Variants in DSCAM observed in about 807,000 individuals in gnomAD.
DSCAM encodes cell adhesion molecule DSCAM.
DSCAM carries 47 observed loss-of-function variants against 217.7 expected under a neutral mutation model. That is an observed-to-expected ratio of 0.22 (90% CI 0.17 to 0.28). The LOEUF is 0.28. Among genes scored for constraint, DSCAM ranks in the 10% least tolerant of loss-of-function variants. DSCAM has a pLI of 1.00. For synonymous variants in DSCAM, 1,056 were observed against 1,015.3 expected (o/e 1.04, Z -0.76); for missense variants, 2,080 against 2,618.3 (o/e 0.79, Z 4.49).
chr21:40,092,379 T>C (rs2089622866), intron 21 of DSCAM, among the ~76,000 whole-genome samples: 1 of 152,220 alleles, frequency 6.6e-6, no homozygotes, highest in Admixed American at 6.5e-5. Flanking sequence ...AACATTTATT[T>C]CAGCAGTCAG....
chr21:40,053,753 C>T lies in DSCAM; in HGVS notation c.5036-1646G>A, dbSNP rs181630337. On this transcript the variant is annotated intron_variant, in intron 29 of 32. Transcript: ENST00000400454. ...TGCATGGACTGGGATGGATCTCTGG[C>T]GAACGGTCATATTTACAAATGGAAA... Among the ~76,000 whole-genome samples the T allele has an allele frequency of 2.5e-3, 377 of 152,254 alleles. 2 individuals are homozygous for T. Among genetic ancestry groups the T allele is most frequent in the African/African-American group, 8.6e-3 (357 of 41,552 alleles).
At chr21:40,707,421 A>C (rs1431894749) in intron 2 of DSCAM, among the ~76,000 whole-genome samples, 1 of 152,210 alleles carries the variant, frequency 6.6e-6, no homozygotes, top group African/African-American at 2.4e-5. Context: ...TGAGCATGTC[A>C]CAAAGATCAA....
At chr21:40,396,651 C>T (rs573712848) in intron 3 of DSCAM, among the ~76,000 whole-genome samples, 2 of 151,910 alleles carry the variant, frequency 1.3e-5, no homozygotes, top group South Asian at 2.1e-4. Context: ...CTACTACTAC[C>T]GTTATTACCC....
intron 3 of DSCAM, among the ~76,000 whole-genome samples, chr21:40,428,232 CTTTG>C (rs1421008571): frequency 3.7e-4 from 48 of 129,532 alleles, no homozygotes; most frequent in African/African-American, 1.3e-3. Context: ...AGGGCAAATA[CTTTG>C]TGTGTGTGTG....
At chr21:40,467,810 G>T (rs2075856812) in intron 3 of DSCAM, among the ~76,000 whole-genome samples, 1 of 151,420 alleles carries the variant, frequency 6.6e-6, no homozygotes, top group African/African-American at 2.4e-5. Flanking sequence ...ATTATGTGAG[G>T]GGAAAATAAA....
intron 1 of DSCAM, among the ~76,000 whole-genome samples, chr21:40,738,115 C>T (rs926968537): frequency 1.3e-5 from 2 of 152,086 alleles, no homozygotes; most frequent in African/African-American, 4.8e-5. Context: ...TGTTATGTAC[C>T]CCCTCCCCGT....
chr21:40,641,505 C>A (rs1024579839), intron 3 of DSCAM, among the ~76,000 whole-genome samples: 2 of 152,158 alleles, frequency 1.3e-5, no homozygotes, highest in Admixed American at 1.3e-4. Context: ...TGAGTGAAAA[C>A]AAACCAATTT....
chr21:40,039,826 TA>T, intron 32 of DSCAM, among the ~76,000 whole-genome samples: 1 of 151,180 alleles, frequency 6.6e-6, no homozygotes, highest in South Asian at 2.1e-4. Context: ...ACAGAAAAAA[TA>T]AAAAGGGAAA....
chr21:40,348,788 T>C (rs1669283452), intron 5 of DSCAM, among the ~76,000 whole-genome samples: 1 of 152,150 alleles, frequency 6.6e-6, no homozygotes, highest in Non-Finnish European at 1.5e-5. Context: ...AATGCAATAA[T>C]GTTGGTCAAA....
At chr21:40,109,002 A>G (rs1413837302) in intron 20 of DSCAM, among the ~76,000 whole-genome samples, 1 of 152,242 alleles carries the variant, frequency 6.6e-6, no homozygotes. Context: ...AATCAACTCA[A>G]GATGGATTAA....
chr21:40,160,546 T>C (rs1442380255), intron 16 of DSCAM, among the ~76,000 whole-genome samples: 4 of 152,236 alleles, frequency 2.6e-5, no homozygotes. Context: ...TTTAAGTCAT[T>C]TTCAATATCA....
intron 3 of DSCAM, among the ~76,000 whole-genome samples, chr21:40,670,178 A>T (rs1452632301): frequency 6.6e-6 from 1 of 152,238 alleles, no homozygotes; most frequent in Non-Finnish European, 1.5e-5. Flanking sequence ...GTGGTAAAGT[A>T]CATGTAACAT....
intron 1 of DSCAM, among the ~76,000 whole-genome samples, chr21:40,725,463 T>C (rs781033209): frequency 4.6e-5 from 7 of 152,238 alleles, no homozygotes; most frequent in Non-Finnish European, 1.0e-4. Context: ...TACCATCCCT[T>C]GTACTCATAC....
At chr21:40,701,606 T>C (rs1314468006) in intron 2 of DSCAM, among the ~76,000 whole-genome samples, 1 of 152,130 alleles carries the variant, frequency 6.6e-6, no homozygotes, top group East Asian at 1.9e-4. Flanking sequence ...CAAATTCATA[T>C]ATATTGTGTG....
At chr21:40,709,914 C>T (rs2090759743) in intron 1 of DSCAM, among the ~76,000 whole-genome samples, 1 of 152,218 alleles carries the variant, frequency 6.6e-6, no homozygotes, top group South Asian at 2.1e-4. Context: ...GGAATCTCCA[C>T]ACTGTCTTCC....
chr21:40,708,814 G>C (rs527710017), intron 1 of DSCAM, 43 bp from the exon 2 acceptor site: 158 of 1,340,664 alleles, frequency 1.2e-4, no homozygotes, highest in Non-Finnish European at 1.5e-4. Context: ...AGTAAAACAT[G>C]CCTTTGACAT....
intron 11 of DSCAM, among the ~76,000 whole-genome samples, chr21:40,232,645 A>G (rs2091392459): frequency 6.6e-6 from 1 of 152,168 alleles, no homozygotes; most frequent in Non-Finnish European, 1.5e-5. Flanking sequence ...GTTTTAGAGA[A>G]GAAGCCCCAA....
intron 6 of DSCAM, among the ~76,000 whole-genome samples, chr21:40,345,703 G>C (rs966737403): frequency 1.3e-5 from 2 of 151,970 alleles, no homozygotes; most frequent in Non-Finnish European, 2.9e-5. Context: ...AGAATAATGG[G>C]AGTGTTTTTG....
intron 3 of DSCAM, among the ~76,000 whole-genome samples, chr21:40,679,901 T>A (rs1022084985): frequency 1.6e-4 from 24 of 152,184 alleles, no homozygotes; most frequent in Non-Finnish European, 4.4e-5. Flanking sequence ...TACTTTTCTT[T>A]TACTTCCTAA....
Sources: allele counts gnomAD v4.1 joint callset (sites outside exome capture counted in the v4.1 genomes callset), GRCh38; gene constraint gnomAD v4.1.1; transcripts MANE v1.5; gene names NCBI Gene and HGNC (gene_info 2026-07-23, HGNC 2026-07-21).